DNAJC1: variants seen among roughly 807,000 people sequenced by gnomAD.
DNAJC1 encodes the protein dnaJ homolog subfamily C member 1.
In DNAJC1, 58 loss-of-function variants were observed where a neutral mutation model predicts 76.6. The observed-to-expected ratio is 0.76, with a 90% CI of 0.61 to 0.94. The LOEUF is 0.94. DNAJC1 is among the 40% of genes least tolerant of loss of function. The probability of loss-of-function intolerance (pLI) is 0.00; values close to 1 mark genes in which losing one functional copy is unlikely to be tolerated. For synonymous variants in DNAJC1, 258 were observed against 267.9 expected, an observed-to-expected ratio of 0.96 and a Z score of 0.36; for missense variants, 689 against 677.3, an observed-to-expected ratio of 1.02 and a Z score of -0.19.
At chr10:21,765,991 G>A (rs1274577714) in intron 10 of DNAJC1, among the ~76,000 whole-genome samples, 2 of 152,208 alleles carry the variant, frequency 1.3e-5, no homozygotes, top group Non-Finnish European at 2.9e-5. Context: ...GCTTTCTCCT[G>A]TGTTCCCCGT....
chr10:21,855,442 T>C (rs1835819436), intron 8 of DNAJC1, among the ~76,000 whole-genome samples: 1 of 152,160 alleles, frequency 6.6e-6, no homozygotes, highest in Admixed American at 6.5e-5. Flanking sequence ...ATAACATATA[T>C]GATTTTCTAA....
rs998642667 is a variant in DNAJC1 at position 21,760,557 on chromosome 10, C to T, written c.1148-939G>A. Among the ~76,000 whole-genome samples, 6 of 152,196 alleles carry T rather than the reference C, an allele frequency of 3.9e-5. No individual in the cohort carries two copies. In the East Asian group the frequency reaches 9.6e-4, roughly 24 times the overall value. ...GCAGGGAAATAGGTACATTTGGACA[C>T]GGGGCGTGGGAGCAGAAACTGGCCC... On this transcript the variant is annotated intron_variant, in intron 10 of 11. Coordinates refer to ENST00000376980, the MANE Select transcript of DNAJC1 (RefSeq NM_022365.4).
chr10:21,859,574 C>T (rs950737039), intron 8 of DNAJC1, among the ~76,000 whole-genome samples: 1 of 151,092 alleles, frequency 6.6e-6, no homozygotes, highest in African/African-American at 2.5e-5. Flanking sequence ...CCCCTATAGA[C>T]ATAGACATAG....
intron 1 of DNAJC1, among the ~76,000 whole-genome samples, chr10:22,002,850 T>C (rs1590088420): frequency 1.4e-5 from 2 of 145,926 alleles, no homozygotes; most frequent in East Asian, 4.0e-4. Context: ...AAAAGGTAGG[T>C]GTTAAATTAA....
At position 21,881,839 on chromosome 10, in the gene DNAJC1, A is replaced by G. The variant is rs1261383725; in HGVS notation, c.978+443T>C. On this transcript the variant is annotated intron_variant, in intron 8 of 11. Coordinates refer to ENST00000376980, the MANE Select transcript of DNAJC1 (RefSeq NM_022365.4). Reference sequence around the variant, plus strand: ...AATTCAGGGCTGCCACAAACCCTCAATTTGTAAAAAAAAAAAAAAAAAAAA... The same window carrying G: ...AATTCAGGGCTGCCACAAACCCTCAGTTTGTAAAAAAAAAAAAAAAAAAAA... Among the ~76,000 whole-genome samples, 3 of 137,806 alleles carry G rather than the reference A, an allele frequency of 2.2e-5. No individual in the cohort carries two copies. The South Asian group carries it at 7.3e-4, about 33-fold the overall frequency. The allele number at this position is 137,806 out of a possible 152,430, so 90.4% of individuals were successfully genotyped here.
intron 8 of DNAJC1, among the ~76,000 whole-genome samples, chr10:21,859,926 G>A (rs1363518271): frequency 1.3e-5 from 2 of 152,024 alleles, no homozygotes; most frequent in Non-Finnish European, 1.5e-5. Context: ...TGGGATTACA[G>A]GCATGTGCAA....
intron 1 of DNAJC1, among the ~76,000 whole-genome samples, chr10:21,981,700 G>A (rs989508521): frequency 2.6e-5 from 4 of 152,014 alleles, no homozygotes; most frequent in African/African-American, 4.8e-5. Context: ...TTCAGCAGAC[G>A]GTGCCAGGAA....
intron 1 of DNAJC1, among the ~76,000 whole-genome samples, chr10:21,990,400 A>G (rs566389663): frequency 6.6e-5 from 10 of 152,322 alleles, no homozygotes; most frequent in Admixed American, 2.0e-4. Context: ...TACTGTGTGG[A>G]GAAAATCAAC....
chr10:21,829,134 G>A lies in DNAJC1; in HGVS notation c.979-23035C>T, dbSNP rs1044641925. On this transcript the variant is annotated intron_variant, in intron 8 of 11. Transcript: ENST00000376980. ...CAACCTCTGCCTCCTGGGTGCAAGC[G>A]ATTCTCCTGCCACAGCCTCCCAAGT... is the stretch of plus-strand genomic sequence containing the variant. Among the ~76,000 whole-genome samples, 8 of 151,818 alleles carry A rather than the reference G, an allele frequency of 5.3e-5. No homozygotes were observed. The East Asian group carries it at 7.8e-4, about 15-fold the overall frequency.
chr10:21,787,974 T>C (rs1834633930), intron 9 of DNAJC1, among the ~76,000 whole-genome samples: 1 of 152,214 alleles, frequency 6.6e-6, no homozygotes, highest in Non-Finnish European at 1.5e-5. Context: ...CTAGTAGTCA[T>C]GGTATCCCTT....
intron 5 of DNAJC1, among the ~76,000 whole-genome samples, chr10:21,919,255 G>A (rs991093905): frequency 5.3e-5 from 8 of 152,044 alleles, no homozygotes; most frequent in Admixed American, 3.3e-4. Context: ...GTTCCCAAGT[G>A]CTGACAACCA....
chr10:21,956,236 C>T (rs1837679406), intron 1 of DNAJC1, among the ~76,000 whole-genome samples: 1 of 152,074 alleles, frequency 6.6e-6, no homozygotes, highest in Non-Finnish European at 1.5e-5. Context: ...GAACCCACCC[C>T]AATAACTAAC....
chr10:21,781,837 T>C (rs1414798865), intron 9 of DNAJC1, among the ~76,000 whole-genome samples: 2 of 152,048 alleles, frequency 1.3e-5, no homozygotes, highest in African/African-American at 4.8e-5. Context: ...ATAAGTATGT[T>C]CTTTGAAACC....
At chr10:21,979,827 A>G (rs1383363452) in intron 1 of DNAJC1, among the ~76,000 whole-genome samples, 2 of 151,792 alleles carry the variant, frequency 1.3e-5, no homozygotes, top group Non-Finnish European at 2.9e-5. Flanking sequence ...ACTTTGTTCC[A>G]GGCCTTTGAC....
rs527614036 is a variant in DNAJC1, at chr10:21,851,978, G to A, written c.978+30304C>T. Among the ~76,000 whole-genome samples the A allele has an allele frequency of 5.2e-4, 79 of 151,898 alleles. No individual in the cohort carries two copies. The East Asian group carries it at 6.2e-3, about 12-fold the overall frequency. ...TGAGGCAGGAGAATGGTGTGAACCC[G>A]GGAGGCGGAGCTTGCAGTGAGCCGA... On this transcript the variant is annotated intron_variant, in intron 8 of 11. Coordinates refer to ENST00000376980, the MANE Select transcript of DNAJC1 (RefSeq NM_022365.4).
Position 21,779,357 on chromosome 10 carries a change from A to G in DNAJC1, c.1099-13048T>C, listed in dbSNP as rs556875962. On this transcript the variant is annotated intron_variant, in intron 9 of 11. Transcript: ENST00000376980. The stretch of plus-strand genomic sequence containing the variant: ...GGGAGGCACCTCCCAGTAGGGGCCA[A>G]CTGACACCTCACACGGCCACATACC... 3.3e-5 allele frequency among the ~76,000 whole-genome samples: 5 copies of G among 152,312 alleles called. No homozygotes were observed. In the South Asian group the frequency reaches 1.0e-3, roughly 32 times the overall value.
intron 8 of DNAJC1, among the ~76,000 whole-genome samples, chr10:21,815,350 A>G (rs918238987): frequency 1.3e-5 from 2 of 152,188 alleles, no homozygotes; most frequent in Admixed American, 1.3e-4. Context: ...ACTGCAATAG[A>G]TGTCCTCCTT....
rs917925375 is a variant in DNAJC1 at position 21,928,616 on chromosome 10, T to G, written c.325-64A>C. On this transcript the variant is annotated intron_variant, in intron 2 of 11. Coordinates refer to ENST00000376980, the MANE Select transcript of DNAJC1 (RefSeq NM_022365.4). ...AACTATAAGAAATCACATAGGAGGG[T>G]GAAGGCACTACAATACACATGCAGA... 5 of 1,328,128 alleles carry G rather than the reference T, an allele frequency of 3.8e-6. No homozygotes were observed. The African/African-American group carries it at 7.2e-5, about 19-fold the overall frequency. The allele number at this position is 1,328,128 out of a possible 1,614,324, so 82.3% of individuals were successfully genotyped here.
At chr10:21,762,425 C>T (rs990822006) in intron 10 of DNAJC1, among the ~76,000 whole-genome samples, 2 of 152,134 alleles carry the variant, frequency 1.3e-5, no homozygotes, top group African/African-American at 2.4e-5. Flanking sequence ...TTTATTTTGG[C>T]ACCTAACTTT....
Sources: allele counts gnomAD v4.1 joint callset (sites outside exome capture counted in the v4.1 genomes callset), GRCh38; gene constraint gnomAD v4.1.1; transcripts MANE v1.5; gene names NCBI Gene and HGNC (gene_info 2026-07-23, HGNC 2026-07-21).